Variants in TRAK1 observed in about 807,000 individuals in gnomAD.
TRAK1 encodes trafficking kinesin-binding protein 1.
In TRAK1, 33 loss-of-function variants were observed where a neutral mutation model predicts 92.1. The ratio of observed to expected loss-of-function variants is 0.36; its 90% CI spans 0.27 to 0.48. The LOEUF is 0.48. TRAK1 is among the 20% of genes least tolerant of loss of function. The probability of loss-of-function intolerance (pLI) is 0.99; values close to 1 mark genes in which losing one functional copy is unlikely to be tolerated. For synonymous variants in TRAK1, 521 were observed against 517.3 expected, an observed-to-expected ratio of 1.01 and a Z score of -0.10; for missense variants, 1,123 against 1,257.9, an observed-to-expected ratio of 0.89 and a Z score of 1.62.
chr3:42,152,953 T>C (rs1442588376), intron 2 of TRAK1, among the ~76,000 whole-genome samples: 2 of 152,224 alleles, frequency 1.3e-5, no homozygotes, highest in Non-Finnish European at 1.5e-5. Context: ...ATTCCCCATC[T>C]GGAAAACAGG....
intron 13 of TRAK1, among the ~76,000 whole-genome samples, chr3:42,206,299 G>C (rs984806731): frequency 1.3e-5 from 2 of 152,174 alleles, no homozygotes; most frequent in Non-Finnish European, 2.9e-5. Context: ...CAGAAGTGGA[G>C]ATAGTCCATG....
intron 2 of TRAK1, chr3:42,160,442 GCA>G (rs1559852670): frequency 1.2e-6 from 2 of 1,614,200 alleles, no homozygotes; most frequent in South Asian, 2.2e-5. Flanking sequence ...CAACCCACAG[GCA>G]GCATGACACC....
At chr3:42,035,489 C>T (rs1702294253) in intron 1 of TRAK1, among the ~76,000 whole-genome samples, 1 of 152,206 alleles carries the variant, frequency 6.6e-6, no homozygotes, top group Non-Finnish European at 1.5e-5. Context: ...TTCCCTGCCA[C>T]CCCCAAAGAA....
At chr3:42,143,806 A>G (rs1357542910) in intron 2 of TRAK1, among the ~76,000 whole-genome samples, 3 of 152,124 alleles carry the variant, frequency 2.0e-5, no homozygotes, top group African/African-American at 7.2e-5. Context: ...TGTGAAGGAA[A>G]GTGGATTTGA....
intron 1 of TRAK1, among the ~76,000 whole-genome samples, chr3:42,020,080 G>A (rs142044127): frequency 6.6e-6 from 1 of 152,314 alleles, no homozygotes; most frequent in Non-Finnish European, 1.5e-5. Context: ...AGGTGGCCGT[G>A]TTCTGGCTGG....
At position 42,194,909 on chromosome 3, in the gene TRAK1, C is replaced by T. The variant is rs746535309; in HGVS notation, c.1081C>T (p.Arg361Trp). ...CAAAACCATGCCCAATACCACGTCT[C>T]GGCGCTACCACTCACTGGGCCTGTT... ...RNKTMPNTTS[R>W]RYHSLGLFPM... Residue 361 changes from arginine to tryptophan, a missense_variant, in exon 10 of 16, where the codon CGG (arginine) becomes TGG (tryptophan). Arg to Trp is a moderately radical substitution (Grantham distance 101). This residue lies in a region of TRAK1 where 686 missense variants were observed against 747.6 expected (regional missense o/e 0.92). Transcript: ENST00000327628. 11 of 1,613,906 alleles carry T rather than the reference C, an allele frequency of 6.8e-6. No individual in the cohort carries two copies. The highest frequency in any genetic ancestry group is 1.1e-5 in the South Asian group (1 of 91,016).
At chr3:42,138,138 C>T (rs1365731959) in intron 2 of TRAK1, among the ~76,000 whole-genome samples, 1 of 152,156 alleles carries the variant, frequency 6.6e-6, no homozygotes, top group Non-Finnish European at 1.5e-5. Flanking sequence ...TGTTAAATTG[C>T]TTTCAGGTGA....
chr3:42,101,019 A>C, intron 1 of TRAK1, among the ~76,000 whole-genome samples: 1 of 152,224 alleles, frequency 6.6e-6, no homozygotes, highest in East Asian at 1.9e-4. Flanking sequence ...TTGCTGTAGG[A>C]GTGCTAACAG....
upstream of TRAK1, among the ~76,000 whole-genome samples, chr3:42,086,311 C>CTTTTTTTTTT (rs750932535): frequency 1.4e-5 from 2 of 140,488 alleles, no homozygotes; most frequent in Admixed American, 7.0e-5. Flanking sequence ...CTTTTTCTTT[C>CTTTTTTTTTT]TTTTTTTTTT....
At chr3:42,172,460 C>G (rs889376791) in intron 2 of TRAK1, among the ~76,000 whole-genome samples, 1 of 152,224 alleles carries the variant, frequency 6.6e-6, no homozygotes, top group Admixed American at 6.5e-5. Context: ...AATTTCCTTG[C>G]ATTAATCCAA....
At chr3:42,076,836 A>G (rs1357276057) in intron 1 of TRAK1, among the ~76,000 whole-genome samples, 7 of 152,070 alleles carry the variant, frequency 4.6e-5, no homozygotes, top group Non-Finnish European at 1.0e-4. Context: ...TCTAGTTCCA[A>G]TCTTCTGTAT....
chr3:42,015,480 G>C (rs1210863340), intron 1 of TRAK1, among the ~76,000 whole-genome samples: 1 of 152,002 alleles, frequency 6.6e-6, no homozygotes, highest in Non-Finnish European at 1.5e-5. Flanking sequence ...TGGGAAACCT[G>C]GACTGAAATT....
chr3:42,060,851 G>A (rs890498991), intron 1 of TRAK1, among the ~76,000 whole-genome samples: 8 of 151,930 alleles, frequency 5.3e-5, no homozygotes, highest in African/African-American at 1.5e-4. Context: ...GGCTGGTCTC[G>A]AACTCCTGAC....
Position 42,223,048 on chromosome 3 carries a change from A to G in TRAK1, c.2173A>G (p.Thr725Ala), listed in dbSNP as rs1399500117. The change falls in exon 16 of 16, where the codon ACT becomes GCT. Residue 725 changes from threonine to alanine, a missense_variant. Around this residue, in one of 3 missense-constraint regions of TRAK1, gnomAD observed 401 missense variants for 438.9 expected, o/e 0.91. Coordinates refer to ENST00000327628, the MANE Select transcript of TRAK1 (RefSeq NM_001042646.3). The surrounding 1 kb of genome is among the most constrained non-coding windows in gnomAD (Gnocchi z 6.1). Reference sequence around the variant, plus strand: ...GAGACTGAGCCTGGCTGAGTCCTTCACTAACACCCGTGAGTCCACGACCAC... The same window carrying G: ...GAGACTGAGCCTGGCTGAGTCCTTCGCTAACACCCGTGAGTCCACGACCAC... ...PRRLSLAESF[T>A]NTRESTTTMS... 6.2e-7 allele frequency: 1 copy of G among 1,613,918 alleles called. No homozygotes were observed.
intron 1 of TRAK1, among the ~76,000 whole-genome samples, chr3:42,115,278 TG>T (rs1709027667): frequency 1.3e-5 from 2 of 152,182 alleles, no homozygotes; most frequent in Admixed American, 6.5e-5. Context: ...TTTTTTTAGT[TG>T]TGACATTTTG....
At chr3:42,173,770 T>C (rs1172116426) in intron 2 of TRAK1, among the ~76,000 whole-genome samples, 1 of 152,192 alleles carries the variant, frequency 6.6e-6, no homozygotes, top group Non-Finnish European at 1.5e-5. Context: ...TCAGTTTTCT[T>C]ATCTGTGGAG....
At chr3:42,153,493 C>T (rs982097259) in intron 2 of TRAK1, among the ~76,000 whole-genome samples, 6 of 152,254 alleles carry the variant, frequency 3.9e-5, no homozygotes, top group Middle Eastern at 3.4e-3. Flanking sequence ...CAGACTTGCT[C>T]TCCATCCCCG....
chr3:42,220,450 G>A (rs762304470), intron 15 of TRAK1: 1 of 982,548 alleles, frequency 1.0e-6, no homozygotes, highest in South Asian at 4.7e-5. Flanking sequence ...CAGAAGGGGT[G>A]GGAACAGTCA....
chr3:42,108,029 A>G (rs1178040741), intron 1 of TRAK1, among the ~76,000 whole-genome samples: 1 of 151,952 alleles, frequency 6.6e-6, no homozygotes, highest in Admixed American at 6.6e-5. Flanking sequence ...AGGCTCTCAC[A>G]CCAGTGCTTT....
Sources: allele counts gnomAD v4.1 joint callset (sites outside exome capture counted in the v4.1 genomes callset), GRCh38; gene constraint gnomAD v4.1.1; regional missense constraint gnomAD v4.1.1; non-coding constraint Gnocchi (gnomAD v3.1); transcripts MANE v1.5; gene names NCBI Gene and HGNC (gene_info 2026-07-23, HGNC 2026-07-21).